Variants in ATP8B4 observed in about 807,000 individuals in gnomAD.
The protein encoded by ATP8B4 is ATPase phospholipid transporting 8B4 (putative).
ATP8B4 carries 133 observed loss-of-function variants against 145.6 expected under a neutral mutation model. That is an observed-to-expected ratio of 0.91 (90% CI 0.79 to 1.05). The LOEUF (loss-of-function observed/expected upper bound fraction) is 1.05. ATP8B4 is among the 50% of genes least tolerant of loss of function. The pLI is 0.00. For missense variants in ATP8B4, 1,458 were observed against 1,425.2 expected, an observed-to-expected ratio of 1.02 and a Z score of -0.37; for synonymous variants, 507 against 492.9, an observed-to-expected ratio of 1.03 and a Z score of -0.38.
In ATP8B4 at chr15:50,085,937, T is replaced by TATGATATATATCATATA. The variant is rs1567331077; in HGVS notation, c.29-11753_29-11752insTATATGATATATATCAT. On this transcript the variant is annotated intron_variant, in intron 2 of 27. Transcript: ENST00000284509. Reference sequence around the variant, plus strand: ...TATATATGATATATATCATATATATTTATATATGATATATATCATATATAT... The same window carrying TATGATATATATCATATA: ...TATATATGATATATATCATATATATTATGATATATATCATATATATATATGATATATATCATATATAT... Among the ~76,000 whole-genome samples the TATGATATATATCATATA allele has an allele frequency of 2.5e-3, 182 of 71,654 alleles. 13 individuals are homozygous for TATGATATATATCATATA. The highest frequency in any genetic ancestry group is 0.02 in the Middle Eastern group (2 of 100). The allele number at this position is 71,654 out of a possible 152,430, so 47.0% of individuals were successfully genotyped here. A position where few individuals can be genotyped will look rare whatever the true frequency, so the allele number is the denominator to read the frequency against.
chr15:50,070,803 C>A (rs1022789799), intron 3 of ATP8B4, among the ~76,000 whole-genome samples: 2 of 152,108 alleles, frequency 1.3e-5, no homozygotes, highest in African/African-American at 4.8e-5. Context: ...TGCAGTGGCA[C>A]AATCTTGGCT....
intron 2 of ATP8B4, among the ~76,000 whole-genome samples, chr15:50,080,569 G>A (rs1163674760): frequency 2.6e-5 from 4 of 152,000 alleles, no homozygotes; most frequent in African/African-American, 9.7e-5. Flanking sequence ...TTTAAAAGAT[G>A]AGAGGGACAT....
chr15:50,050,922 G>T (rs1272132322), intron 3 of ATP8B4, among the ~76,000 whole-genome samples: 2 of 152,068 alleles, frequency 1.3e-5, no homozygotes, highest in South Asian at 2.1e-4. Flanking sequence ...TTAGTTTGGG[G>T]TAACTTGTTT....
At chr15:49,905,701 AT>A (rs966454315) in intron 20 of ATP8B4, among the ~76,000 whole-genome samples, 5 of 151,654 alleles carry the variant, frequency 3.3e-5, no homozygotes, top group South Asian at 2.1e-4. Flanking sequence ...GAAATTCTTT[AT>A]TTTTTTTCTT....
chr15:50,076,698 C>A (rs563107458), intron 2 of ATP8B4, among the ~76,000 whole-genome samples: 8 of 152,082 alleles, frequency 5.3e-5, no homozygotes, highest in African/African-American at 9.7e-5. Flanking sequence ...TTTCTAAATC[C>A]TTCTTAATAA....
At chr15:49,877,766 TGTAAA>T (rs2034708757) in intron 24 of ATP8B4, among the ~76,000 whole-genome samples, 1 of 152,192 alleles carries the variant, frequency 6.6e-6, no homozygotes, top group Non-Finnish European at 1.5e-5. Context: ...TAAACCAGTA[TGTAAA>T]GTATTTAGTA....
At chr15:50,044,942 T>C (rs2051604534) in intron 4 of ATP8B4, among the ~76,000 whole-genome samples, 1 of 152,222 alleles carries the variant, frequency 6.6e-6, no homozygotes, top group Admixed American at 6.5e-5. Context: ...TCTTGAAATC[T>C]CTCACAGATG....
chr15:49,962,526 A>T (rs1413483025), intron 13 of ATP8B4, among the ~76,000 whole-genome samples: 1 of 152,200 alleles, frequency 6.6e-6, no homozygotes, highest in East Asian at 1.9e-4. Context: ...ATAGCCACCC[A>T]TATGCCAGAA....
upstream of ATP8B4, among the ~76,000 whole-genome samples, chr15:50,123,572 T>A (rs2057287525): frequency 6.6e-6 from 1 of 152,118 alleles, no homozygotes; most frequent in Non-Finnish European, 1.5e-5. Flanking sequence ...CATTCCCCAC[T>A]TTCTGACCCC....
At position 49,858,869 on chromosome 15, in the gene ATP8B4, A is replaced by G. The variant is rs545613287; in HGVS notation, c.*1325T>C. 4 of 152,298 alleles carry G rather than the reference A, an allele frequency of 2.6e-5. No individual in the cohort carries two copies. The highest frequency in any genetic ancestry group is 9.6e-5 in the African/African-American group (4 of 41,566). The allele number at this position is 152,298 out of a possible 1,614,324, so 9.4% of individuals were successfully genotyped here. On this transcript the variant is annotated 3_prime_UTR_variant, in exon 28 of 28. Transcript: ENST00000284509. ...TGTTGAGTTAACTGGAACTTAACTC[A>G]TCTGTTTATGAAATAATTATGTTTT... is the stretch of plus-strand genomic sequence containing the variant.
upstream of ATP8B4, among the ~76,000 whole-genome samples, chr15:50,123,542 T>A (rs541023377): frequency 6.6e-6 from 1 of 152,298 alleles, no homozygotes. Flanking sequence ...TGTGATTTCA[T>A]CTTCAACTCG....
rs758342994 is a variant in ATP8B4, at chr15:49,901,102, C to A, written c.2279G>T (p.Gly760Val). The A allele has an allele frequency of 1.9e-6, 3 of 1,612,356 alleles. No individual in the cohort carries two copies. The Admixed American group carries it at 5.0e-5, about 27-fold the overall frequency. The part of the protein sequence containing the change: ...ITGDYALIIN[G>V]HSLAHALESD... ...CTTAGGCAAACTCACCAAACTGTGG[C>A]CATTTATGATTAAGGCATAATCTCC... Residue 760 changes from glycine to valine, a missense_variant, in exon 21 of 28, where the codon GGC becomes GTC. Transcript: ENST00000284509.
At chr15:49,996,425 T>C (rs534098345) in intron 9 of ATP8B4, among the ~76,000 whole-genome samples, 26 of 152,180 alleles carry the variant, frequency 1.7e-4, no homozygotes, top group African/African-American at 4.6e-4. Context: ...GTAAAGGGTA[T>C]TATGGGATTG....
intron 1 of ATP8B4, among the ~76,000 whole-genome samples, chr15:50,138,326 GTAGATAGATAGA>G (rs71124324): frequency 0.012 from 1,765 of 148,218 alleles, 14 homozygotes; most frequent in Middle Eastern, 0.048. Context: ...AGATAGATAG[GTAGATAGATAGA>G]TAGATAGATA....
chr15:49,901,870 G>GA (rs1245671158), intron 20 of ATP8B4: 13 of 394,352 alleles, frequency 3.3e-5, no homozygotes, highest in Middle Eastern at 4.0e-4. Context: ...AATCTTCTAG[G>GA]AAAAAAACTA....
Position 50,064,246 on chromosome 15 carries a change from A to G in ATP8B4, c.87+9881T>C, listed in dbSNP as rs1374764466. 2.0e-5 allele frequency among the ~76,000 whole-genome samples: 3 copies of G among 152,274 alleles called. No homozygotes were observed. The East Asian group carries it at 5.8e-4, about 29-fold the overall frequency. On this transcript the variant is annotated intron_variant, in intron 3 of 27. Coordinates refer to ENST00000284509, the MANE Select transcript of ATP8B4 (RefSeq NM_024837.4). The stretch of plus-strand genomic sequence containing the variant: ...TTGGTACACAATGATGTCACCATCT[A>G]TAACTTACCTAGATGACACCTGAAC...
At chr15:50,117,346 G>A (rs1018651436) in intron 1 of ATP8B4, among the ~76,000 whole-genome samples, 1 of 152,104 alleles carries the variant, frequency 6.6e-6, no homozygotes, top group Non-Finnish European at 1.5e-5. Flanking sequence ...CACTGCATCT[G>A]GCCAAACATA....
chr15:50,036,702 A>G (rs1029334083), intron 6 of ATP8B4, among the ~76,000 whole-genome samples: 14 of 152,192 alleles, frequency 9.2e-5, no homozygotes, highest in Non-Finnish European at 1.9e-4. Flanking sequence ...TGAAAATTCA[A>G]CAGATACTGT....
rs1338524421 is a variant in ATP8B4 at position 49,972,664 on chromosome 15, C to T, written c.1161G>A (p.Glu387=). 3 of 1,613,888 alleles carry T rather than the reference C, an allele frequency of 1.9e-6. No individual in the cohort carries two copies. The highest frequency in any genetic ancestry group is 2.2e-5 in the East Asian group (1 of 44,882). Reference sequence around the variant, plus strand: ...TACCCGTTTTGTCGGAGAAAATGTACTCAATCTGCCCCAGTTCCTCATTGA... The same window carrying T: ...TACCCGTTTTGTCGGAGAAAATGTATTCAATCTGCCCCAGTTCCTCATTGA... The part of the protein sequence containing the change: ...TTLNEELGQI[E]YIFSDKTGTL... The change falls in exon 13 of 28, where the codon GAG becomes GAA. Residue 387 remains glutamate, a synonymous_variant. Transcript: ENST00000284509.
Sources: allele counts gnomAD v4.1 joint callset (sites outside exome capture counted in the v4.1 genomes callset), GRCh38; gene constraint gnomAD v4.1.1; transcripts MANE v1.5; gene names NCBI Gene and HGNC (gene_info 2026-07-23, HGNC 2026-07-21).